The following ARMH4 variants were observed in gnomAD, a reference collection of about 807,000 sequenced individuals.
The protein encoded by ARMH4 is armadillo like helical domain containing 4.
A neutral mutation model predicts 61.9 loss-of-function variants in ARMH4; 49 were observed. The ratio of observed to expected loss-of-function variants is 0.79; its 90% confidence interval spans 0.63 to 1.00. The LOEUF is 1.00. ARMH4 is among the 50% of genes least tolerant of loss of function. ARMH4 has a pLI of 0.00. For synonymous variants in ARMH4, 368 were observed against 341.5 expected (o/e 1.08, Z -0.85); for missense variants, 934 against 930.0 (o/e 1.00, Z -0.06).
In ARMH4 at chr14:58,012,148, T is replaced by A; in HGVS notation, c.2092A>T (p.Arg698Ter). 1 of 1,406,872 alleles carries A rather than the reference T, an allele frequency of 7.1e-7. No individual in the cohort carries two copies. Among genetic ancestry groups the A allele is most frequent in the Non-Finnish European group, 9.7e-7 (1 of 1,035,010 alleles). The allele number at this position is 1,406,872 out of a possible 1,614,324, so 87.1% of individuals were successfully genotyped here. A position where few individuals can be genotyped will look rare whatever the true frequency, so the allele number is the denominator to read the frequency against. ...EWEQQNQGLV[R>*]SWMEKLKDKA... ...TCTTTTAATTTTTCCATCCAGCTTC[T>A]CACTAGGAAAAAAATAAGATAATAA... Residue 698 changes from arginine to a stop codon, truncating the protein, a stop_gained and splice_region_variant, in exon 6 of 8, where the codon AGA (arginine) becomes TGA (stop). Coordinates refer to ENST00000267485, the MANE Select transcript of ARMH4 (RefSeq NM_001001872.4). LOFTEE classifies it high-confidence loss of function.
At chr14:58,007,348 T>C (rs1693744710) in intron 6 of ARMH4, among the ~76,000 whole-genome samples, 1 of 152,200 alleles carries the variant, frequency 6.6e-6, no homozygotes, top group South Asian at 2.1e-4. Context: ...AATTTATATT[T>C]ATATTTGTAA....
intron 4 of ARMH4, among the ~76,000 whole-genome samples, chr14:58,104,748 A>C (rs528461080): frequency 2.6e-5 from 4 of 152,366 alleles, no homozygotes; most frequent in Non-Finnish European, 5.9e-5. Flanking sequence ...AATAAAGGAA[A>C]GACGGTCTTG....
Position 58,115,753 on chromosome 14 carries a change from T to C in ARMH4, c.1831+15759A>G, listed in dbSNP as rs573673496. Among the ~76,000 whole-genome samples the C allele has an allele frequency of 1.2e-4, 19 of 152,234 alleles. 1 individual carries two copies. The South Asian group carries it at 3.5e-3, about 28-fold the overall frequency. On this transcript the variant is annotated intron_variant, in intron 4 of 7. Coordinates refer to ENST00000267485, the MANE Select transcript of ARMH4 (RefSeq NM_001001872.4). ...TGCAGCCATAAAAAATCATTTCCTA[T>C]GCCATAATATGGATGTACCTAGAGG... is the stretch of plus-strand genomic sequence containing the variant.
intron 1 of ARMH4, among the ~76,000 whole-genome samples, chr14:58,148,172 G>C (rs867953192): frequency 6.6e-5 from 10 of 152,034 alleles, no homozygotes; most frequent in Middle Eastern, 3.2e-3. Flanking sequence ...TCAGCCTCCC[G>C]AGTAGCTAGG....
intron 5 of ARMH4, among the ~76,000 whole-genome samples, chr14:58,058,077 A>G (rs1362767636): frequency 6.6e-6 from 1 of 152,194 alleles, no homozygotes; most frequent in African/African-American, 2.4e-5. Flanking sequence ...GCAAAGGAAG[A>G]TAGTATAGTC....
At chr14:58,095,240 A>G (rs1594753533) in intron 5 of ARMH4, among the ~76,000 whole-genome samples, 1 of 152,208 alleles carries the variant, frequency 6.6e-6, no homozygotes, top group East Asian at 1.9e-4. Context: ...GTACTAGAGC[A>G]TCCGAATATC....
At chr14:58,107,651 C>G (rs1029759816) in intron 4 of ARMH4, among the ~76,000 whole-genome samples, 1 of 151,560 alleles carries the variant, frequency 6.6e-6, no homozygotes, top group African/African-American at 2.4e-5. Flanking sequence ...TTAGTCCCAG[C>G]TACCTGGGAG....
At chr14:58,029,659 C>G (rs1883155996) in intron 5 of ARMH4, among the ~76,000 whole-genome samples, 1 of 152,014 alleles carries the variant, frequency 6.6e-6, no homozygotes, top group African/African-American at 2.4e-5. Context: ...TGAGGTAGTA[C>G]TTCATATCCA....
At chr14:58,043,414 C>T (rs1467969240) in intron 5 of ARMH4, among the ~76,000 whole-genome samples, 2 of 152,142 alleles carry the variant, frequency 1.3e-5, no homozygotes, top group Non-Finnish European at 2.9e-5. Context: ...ACGCTTCATG[C>T]TAAAAACTCT....
At chr14:58,016,892 G>A (rs1882634608) in intron 5 of ARMH4, among the ~76,000 whole-genome samples, 1 of 152,216 alleles carries the variant, frequency 6.6e-6, no homozygotes, top group African/African-American at 2.4e-5. Flanking sequence ...GTAAAAAGCT[G>A]AGGGCCTTTC....
intron 4 of ARMH4, among the ~76,000 whole-genome samples, chr14:58,121,468 G>A (rs762363350): frequency 1.3e-5 from 2 of 152,284 alleles, no homozygotes; most frequent in Admixed American, 1.3e-4. Flanking sequence ...CCAGAAAAAC[G>A]AGAGTAAATG....
At chr14:58,068,568 A>C (rs1490939525) in intron 5 of ARMH4, among the ~76,000 whole-genome samples, 1 of 152,170 alleles carries the variant, frequency 6.6e-6, no homozygotes, top group Non-Finnish European at 1.5e-5. Context: ...ATTTCAGAGT[A>C]CCAGGAAAAG....
intron 5 of ARMH4, among the ~76,000 whole-genome samples, chr14:58,093,750 G>A (rs944315247): frequency 4.6e-5 from 7 of 152,022 alleles, no homozygotes; most frequent in Non-Finnish European, 1.0e-4. Flanking sequence ...AAAGGTTGGT[G>A]GGCTAATAAA....
intron 1 of ARMH4, among the ~76,000 whole-genome samples, chr14:58,140,440 G>C (rs920702519): frequency 7.3e-5 from 11 of 151,346 alleles, no homozygotes; most frequent in African/African-American, 2.4e-4. Context: ...AATTAGCCAG[G>C]CATGGTGGCA....
intron 4 of ARMH4, chr14:58,100,913 T>C (rs895586241): frequency 6.5e-6 from 1 of 153,108 alleles, no homozygotes; most frequent in Non-Finnish European, 1.5e-5. Flanking sequence ...TGAGTCAGAG[T>C]GATGACGTGG....
chr14:58,019,707 C>T (rs1882745036), intron 5 of ARMH4, among the ~76,000 whole-genome samples: 2 of 152,250 alleles, frequency 1.3e-5, no homozygotes, highest in South Asian at 4.1e-4. Context: ...AGGAGAATCG[C>T]TTGAACCCAG....
rs566635143 is a variant in ARMH4 at position 58,098,943 on chromosome 14, T to C, written c.1832-1962A>G. The stretch of plus-strand genomic sequence containing the variant: ...AAGGAGTCCACTTAAAAACCAGGAA[T>C]AGATTATGGTGCTTTGGACTAGGGT... On this transcript the variant is annotated intron_variant, in intron 4 of 7. Transcript: ENST00000267485. Among the ~76,000 whole-genome samples, 13 of 152,252 alleles carry C rather than the reference T, an allele frequency of 8.5e-5. No homozygotes were observed. In the South Asian group the frequency reaches 2.5e-3, roughly 29 times the overall value.
At position 58,138,069 on chromosome 14, in the gene ARMH4, G is replaced by C. The variant is rs1887367865; in HGVS notation, c.1290C>G (p.Ala430=). ...DFTESTKEND[A]LFFLETTVSV... ...AAACAGTGGTTTCTAAGAAAAACAG[G>C]GCATCGTTTTCCTTGGTGGATTCCG... is the stretch of plus-strand genomic sequence containing the variant. The change falls in exon 2 of 8, where the codon GCC becomes GCG. Residue 430 remains alanine (A), a synonymous_variant. Transcript: ENST00000267485. 6.2e-7 allele frequency: 1 copy of C among 1,614,132 alleles called. No individual in the cohort carries two copies. Among genetic ancestry groups the C allele is most frequent in the Non-Finnish European group, 8.5e-7 (1 of 1,180,000 alleles).
intron 5 of ARMH4, among the ~76,000 whole-genome samples, chr14:58,085,309 C>T (rs1885345030): frequency 1.3e-5 from 2 of 151,832 alleles, no homozygotes; most frequent in Non-Finnish European, 2.9e-5. Context: ...ACAATTTATA[C>T]TTAATTTCTT....
Sources: allele counts gnomAD v4.1 joint callset (sites outside exome capture counted in the v4.1 genomes callset), GRCh38; gene constraint gnomAD v4.1.1; transcripts MANE v1.5; gene names NCBI Gene and HGNC (gene_info 2026-07-23, HGNC 2026-07-21).